MAML2: variants seen among roughly 807,000 people sequenced by gnomAD.
The protein encoded by MAML2 is mastermind like transcriptional coactivator 2.
In MAML2, 22 loss-of-function variants were observed where a neutral mutation model predicts 96.1. The observed-to-expected ratio is 0.23, with a 90% CI of 0.16 to 0.33. The LOEUF is 0.33. Ranked by LOEUF, MAML2 falls within the 10% of genes least tolerant of loss-of-function variation. The pLI is 1.00. For synonymous variants in MAML2, 561 were observed against 521.3 expected, an observed-to-expected ratio of 1.08 and a Z score of -1.04; for missense variants, 1,367 against 1,392.4, an observed-to-expected ratio of 0.98 and a Z score of 0.29.
At chr11:96,180,752 G>A (rs979399088) in intron 1 of MAML2, among the ~76,000 whole-genome samples, 13 of 152,172 alleles carry the variant, frequency 8.5e-5, no homozygotes, top group South Asian at 2.1e-4. Context: ...ATGTGTGTCC[G>A]TGTGAAGAGA....
chr11:96,199,756 G>A (rs1861789470), intron 1 of MAML2, among the ~76,000 whole-genome samples: 1 of 152,118 alleles, frequency 6.6e-6, no homozygotes, highest in Non-Finnish European at 1.5e-5. Context: ...AGTCGAAAAG[G>A]TTTCTGTTGA....
chr11:96,049,671 T>A (rs550543798), intron 2 of MAML2, among the ~76,000 whole-genome samples: 14 of 152,296 alleles, frequency 9.2e-5, no homozygotes, highest in Admixed American at 2.0e-4. Flanking sequence ...TGGTGACTAA[T>A]CAAGAGGCTG....
At chr11:96,240,637 A>T (rs1862425347) in intron 1 of MAML2, among the ~76,000 whole-genome samples, 1 of 145,060 alleles carries the variant, frequency 6.9e-6, no homozygotes, top group Admixed American at 7.1e-5. Flanking sequence ...GCTTATTATT[A>T]TTTTTGCAAT....
intron 1 of MAML2, among the ~76,000 whole-genome samples, chr11:96,140,653 C>A (rs527614973): frequency 6.6e-6 from 1 of 152,190 alleles, no homozygotes; most frequent in Admixed American, 6.5e-5. Flanking sequence ...TGCCCCTAGA[C>A]GTCACTCTCT....
At chr11:96,320,128 C>G (rs1175774403) in intron 1 of MAML2, among the ~76,000 whole-genome samples, 1 of 152,138 alleles carries the variant, frequency 6.6e-6, no homozygotes, top group Non-Finnish European at 1.5e-5. Flanking sequence ...CCACCAAAGG[C>G]GTTTTATGAG....
chr11:96,285,073 A>T (rs1317713964), intron 1 of MAML2, among the ~76,000 whole-genome samples: 1 of 152,192 alleles, frequency 6.6e-6, no homozygotes, highest in Admixed American at 6.5e-5. Flanking sequence ...AGGTTAAGGA[A>T]CTTGTCCAAA....
intron 1 of MAML2, among the ~76,000 whole-genome samples, chr11:96,303,242 T>C (rs560033119): frequency 1.3e-5 from 2 of 152,346 alleles, no homozygotes; most frequent in East Asian, 3.9e-4. Context: ...TAAAACTCCC[T>C]ACTCTGGCAC....
intron 1 of MAML2, among the ~76,000 whole-genome samples, chr11:96,281,918 A>C (rs1460531166): frequency 6.6e-6 from 1 of 152,104 alleles, no homozygotes; most frequent in Non-Finnish European, 1.5e-5. Context: ...TCTACTGAGC[A>C]AACAAACTAC....
At chr11:96,212,150 T>TGTGTGTGTGTGG (rs60072122) in intron 1 of MAML2, among the ~76,000 whole-genome samples, 168 of 127,602 alleles carry the variant, frequency 1.3e-3, no homozygotes, top group Admixed American at 1.3e-3. Flanking sequence ...TGTGTGTGTG[T>TGTGTGTGTGTGG]GGAAGGGGGA....
intron 1 of MAML2, among the ~76,000 whole-genome samples, chr11:96,328,949 C>T (rs756311194): frequency 6.6e-6 from 1 of 152,136 alleles, no homozygotes; most frequent in Non-Finnish European, 1.5e-5. Flanking sequence ...CATATAAAAT[C>T]CCATCCATCA....
intron 1 of MAML2, among the ~76,000 whole-genome samples, chr11:96,122,397 A>G (rs1423076450): frequency 6.6e-6 from 1 of 152,020 alleles, no homozygotes; most frequent in Non-Finnish European, 1.5e-5. Context: ...GCCCTACTGT[A>G]TATGGGTTCT....
chr11:96,118,137 C>T (rs1860275552), intron 1 of MAML2, among the ~76,000 whole-genome samples: 1 of 152,178 alleles, frequency 6.6e-6, no homozygotes, highest in Non-Finnish European at 1.5e-5. Context: ...ACACCAATAA[C>T]TATAAATCAA....
chr11:96,105,093 A>AT (rs1218329818), intron 1 of MAML2, among the ~76,000 whole-genome samples: 2 of 152,176 alleles, frequency 1.3e-5, no homozygotes, highest in Non-Finnish European at 2.9e-5. Context: ...ATAAATTCAT[A>AT]TTTTTCTTGA....
intron 1 of MAML2, among the ~76,000 whole-genome samples, chr11:96,243,885 C>G (rs1189372415): frequency 1.3e-5 from 2 of 152,174 alleles, no homozygotes; most frequent in Non-Finnish European, 1.5e-5. Flanking sequence ...TCGTGATCCG[C>G]CCATCTTGGC....
chr11:96,070,823 TC>T (rs1413317958), intron 2 of MAML2, among the ~76,000 whole-genome samples: 1 of 152,258 alleles, frequency 6.6e-6, no homozygotes, highest in Non-Finnish European at 1.5e-5. Context: ...ACCTCAAGGA[TC>T]CTGTAACACA....
chr11:95,984,749 C>T (rs112162346), intron 4 of MAML2, among the ~76,000 whole-genome samples: 1,851 of 152,246 alleles, frequency 0.012, 19 homozygotes, highest in Non-Finnish European at 0.019. Context: ...TTTATGGCTT[C>T]CTGGACAGAT....
intron 2 of MAML2, among the ~76,000 whole-genome samples, chr11:96,078,576 G>A (rs755973696): frequency 7.2e-5 from 11 of 152,204 alleles, no homozygotes; most frequent in Non-Finnish European, 1.5e-4. Flanking sequence ...CTGCTTCTGA[G>A]AGCAATGATA....
chr11:96,039,913 G>A (rs758483110), intron 2 of MAML2, among the ~76,000 whole-genome samples: 3 of 149,574 alleles, frequency 2.0e-5, no homozygotes, highest in Admixed American at 1.3e-4. Flanking sequence ...AGCAGAGATC[G>A]TGCCACTGCA....
At chr11:96,172,476 C>G (rs1408608453) in intron 1 of MAML2, among the ~76,000 whole-genome samples, 1 of 152,188 alleles carries the variant, frequency 6.6e-6, no homozygotes, top group Non-Finnish European at 1.5e-5. Flanking sequence ...AGAACAGCTT[C>G]TTTTCTCAAA....
Sources: allele counts gnomAD v4.1 joint callset (sites outside exome capture counted in the v4.1 genomes callset), GRCh38; gene constraint gnomAD v4.1.1; transcripts MANE v1.5; gene names NCBI Gene and HGNC (gene_info 2026-07-23, HGNC 2026-07-21).